The following ZDHHC14 variants were observed in gnomAD, a reference collection of about 807,000 sequenced individuals.
ZDHHC14 encodes zDHHC palmitoyltransferase 14.
In ZDHHC14, 16 loss-of-function variants were observed where a neutral mutation model predicts 47.7. That is an observed-to-expected ratio of 0.34 (90% CI 0.23 to 0.51). ZDHHC14 has a LOEUF of 0.51. Ranked by LOEUF, ZDHHC14 falls within the 20% of genes least tolerant of loss-of-function variation. The probability of loss-of-function intolerance (pLI) is 0.97; values close to 1 mark genes in which losing one functional copy is unlikely to be tolerated. For missense variants in ZDHHC14, 515 were observed against 662.5 expected, an observed-to-expected ratio of 0.78 and a Z score of 2.44; for synonymous variants, 293 against 278.9, an observed-to-expected ratio of 1.05 and a Z score of -0.50.
chr6:157,562,000 G>T (rs1168627185), intron 2 of ZDHHC14, among the ~76,000 whole-genome samples: 2 of 152,084 alleles, frequency 1.3e-5, no homozygotes, highest in Non-Finnish European at 2.9e-5. Context: ...GGTTTTTGTG[G>T]GTTCAGTGAG....
At chr6:157,389,057 T>G (rs1397463735) in intron 1 of ZDHHC14, among the ~76,000 whole-genome samples, 1 of 152,118 alleles carries the variant, frequency 6.6e-6, no homozygotes, top group East Asian at 1.9e-4. Context: ...TGTAGTCTTT[T>G]AAAAAATGCT....
At chr6:157,465,613 A>G (rs1779193258) in intron 1 of ZDHHC14, among the ~76,000 whole-genome samples, 1 of 152,154 alleles carries the variant, frequency 6.6e-6, no homozygotes, top group South Asian at 2.1e-4. Context: ...TAAAAAAAAA[A>G]AAGAAATCTT....
Position 157,381,572 on chromosome 6 carries a change from A to T in ZDHHC14, c.-450A>T, listed in dbSNP as rs1777209996. On this transcript the variant is annotated 5_prime_UTR_variant, in exon 1 of 9. Transcript: ENST00000359775. ...CGCGCCGCAGAAGTGGCTCCCGAGGAAGCCGGCGCCGGGGCCGCCGCCTCG... is the reference window on the plus strand; with the variant it reads ...CGCGCCGCAGAAGTGGCTCCCGAGGTAGCCGGCGCCGGGGCCGCCGCCTCG... The T allele has an allele frequency of 2.5e-6, 1 of 395,630 alleles. No homozygotes were observed. Among genetic ancestry groups the T allele is most frequent in the Non-Finnish European group, 5.0e-6 (1 of 198,976 alleles). The allele number at this position is 395,630 out of a possible 1,614,324, so 24.5% of individuals were successfully genotyped here. A position where few individuals can be genotyped will look rare whatever the true frequency, so the allele number is the denominator to read the frequency against.
At position 157,537,061 on chromosome 6, in the gene ZDHHC14, G is replaced by A. The variant is rs1256732626; in HGVS notation, c.246-5524G>A. Among the ~76,000 whole-genome samples the A allele has an allele frequency of 1.1e-4, 6 of 55,886 alleles. 3 individuals carry two copies. The highest frequency in any genetic ancestry group is 4.4e-4 in the Admixed American group (2 of 4,594). The allele number at this position is 55,886 out of a possible 152,430, so 36.7% of individuals were successfully genotyped here. A position where few individuals can be genotyped will look rare whatever the true frequency, so the allele number is the denominator to read the frequency against. ...TCTCGATCTCCTGACCTCGTGATCC[G>A]CCCGCCTCGGCCTCCCAAAGTGCTG... On this transcript the variant is annotated intron_variant, in intron 1 of 8. Coordinates refer to ENST00000359775, the MANE Select transcript of ZDHHC14 (RefSeq NM_024630.3).
chr6:157,494,011 G>A (rs1217262883), intron 1 of ZDHHC14, among the ~76,000 whole-genome samples: 1 of 152,220 alleles, frequency 6.6e-6, no homozygotes, highest in East Asian at 1.9e-4. Context: ...TGTGGCTTGG[G>A]GTACCCTTGT....
At chr6:157,525,186 A>C (rs989066376) in intron 1 of ZDHHC14, among the ~76,000 whole-genome samples, 2 of 152,066 alleles carry the variant, frequency 1.3e-5, no homozygotes, top group African/African-American at 4.8e-5. Flanking sequence ...TTTGAGACAG[A>C]GTCTCACCCT....
At chr6:157,643,455 C>T (rs1777352089) in intron 5 of ZDHHC14, among the ~76,000 whole-genome samples, 1 of 151,690 alleles carries the variant, frequency 6.6e-6, no homozygotes, top group Non-Finnish European at 1.5e-5. Flanking sequence ...CGAGACCAGC[C>T]TGGCCAACAT....
chr6:157,610,973 G>A (rs372105417), intron 3 of ZDHHC14, among the ~76,000 whole-genome samples: 13 of 152,272 alleles, frequency 8.5e-5, no homozygotes, highest in East Asian at 3.9e-4. Context: ...AAATATGCTC[G>A]TGTAAGACTG....
chr6:157,521,638 C>T lies in ZDHHC14; in HGVS notation c.246-20947C>T, dbSNP rs139512049. Among the ~76,000 whole-genome samples the T allele has an allele frequency of 4.3e-4, 66 of 152,354 alleles. 1 individual carries two copies. Among genetic ancestry groups the T allele is most frequent in the African/African-American group, 1.4e-3 (57 of 41,590 alleles). ...ACCCCATTCATGACATAATCACCTC[C>T]TGAAGGTTCTGCTTCCTAATGCCAT... On this transcript the variant is annotated intron_variant, in intron 1 of 8. Coordinates refer to ENST00000359775, the MANE Select transcript of ZDHHC14 (RefSeq NM_024630.3).
At chr6:157,544,491 T>TA (rs1181929398) in intron 2 of ZDHHC14, among the ~76,000 whole-genome samples, 10 of 151,808 alleles carry the variant, frequency 6.6e-5, no homozygotes, top group East Asian at 3.9e-4. Context: ...CTACTAAAAA[T>TA]AAAAAAAATT....
intron 8 of ZDHHC14, among the ~76,000 whole-genome samples, chr6:157,666,374 A>T (rs1778556579): frequency 6.6e-6 from 1 of 152,248 alleles, no homozygotes; most frequent in South Asian, 2.1e-4. Context: ...CTAGTATTGC[A>T]GAAGAACTCT....
At chr6:157,468,932 T>C (rs975463728) in intron 1 of ZDHHC14, among the ~76,000 whole-genome samples, 1 of 152,228 alleles carries the variant, frequency 6.6e-6, no homozygotes, top group African/African-American at 2.4e-5. Context: ...ATCTGAGCCC[T>C]GGACAAAGGC....
chr6:157,471,430 C>G (rs1193985833), intron 1 of ZDHHC14, among the ~76,000 whole-genome samples: 8 of 152,202 alleles, frequency 5.3e-5, no homozygotes, highest in Non-Finnish European at 8.8e-5. Flanking sequence ...CCTGCTGCCC[C>G]CTCCCCATCC....
chr6:157,438,552 C>A (rs35363221), intron 1 of ZDHHC14, among the ~76,000 whole-genome samples: 3,478 of 152,276 alleles, frequency 0.023, 150 homozygotes, highest in African/African-American at 0.079. Flanking sequence ...ATGCTGAAAC[C>A]CCCCTGTGAA....
At chr6:157,545,361 C>T (rs141759535) in intron 2 of ZDHHC14, among the ~76,000 whole-genome samples, 6 of 151,270 alleles carry the variant, frequency 4.0e-5, no homozygotes, top group African/African-American at 1.5e-4. Flanking sequence ...ATAAATTATA[C>T]CTCTATGAAG....
At position 157,463,942 on chromosome 6, in the gene ZDHHC14, T is replaced by C. The variant is rs1230399430; in HGVS notation, c.246-78643T>C. On this transcript the variant is annotated intron_variant, in intron 1 of 8. Transcript: ENST00000359775. This position sits in a 1 kb window ranked among gnomAD's most constrained non-coding sequence, Gnocchi z 4.4. ...CAGGAGGCTGAGGCATGAGAATCACTTGAGTCCAGGAGGTGGAGGTTGCAG... is the reference window on the plus strand; with the variant it reads ...CAGGAGGCTGAGGCATGAGAATCACCTGAGTCCAGGAGGTGGAGGTTGCAG... Among the ~76,000 whole-genome samples the C allele has an allele frequency of 1.3e-5, 2 of 152,160 alleles. No homozygotes were observed. The highest frequency in any genetic ancestry group is 2.9e-5 in the Non-Finnish European group (2 of 68,036).
chr6:157,537,470 G>C (rs1781584289), intron 1 of ZDHHC14, among the ~76,000 whole-genome samples: 1 of 152,172 alleles, frequency 6.6e-6, no homozygotes, highest in East Asian at 1.9e-4. Context: ...GTTCTGTAAA[G>C]GCTTCTCATC....
chr6:157,409,395 G>A (rs1156575574), intron 1 of ZDHHC14, among the ~76,000 whole-genome samples: 6 of 152,114 alleles, frequency 3.9e-5, no homozygotes, highest in African/African-American at 1.2e-4. Flanking sequence ...AGCGGGTTAC[G>A]TATGTTTGTG....
intron 2 of ZDHHC14, among the ~76,000 whole-genome samples, chr6:157,573,951 A>G (rs566460014): frequency 6.7e-6 from 1 of 149,400 alleles, no homozygotes; most frequent in East Asian, 2.0e-4. Context: ...TCTGTGAGAA[A>G]CCTCGGGGTC....
Sources: allele counts gnomAD v4.1 joint callset (sites outside exome capture counted in the v4.1 genomes callset), GRCh38; gene constraint gnomAD v4.1.1; non-coding constraint Gnocchi (gnomAD v3.1); transcripts MANE v1.5; gene names NCBI Gene and HGNC (gene_info 2026-07-23, HGNC 2026-07-21).